ELFN2: variants seen among roughly 807,000 people sequenced by gnomAD.
ELFN2 encodes extracellular leucine rich repeat and fibronectin type III domain containing 2.
In ELFN2, 17 loss-of-function variants were observed where a neutral mutation model predicts 45.5. That is an observed-to-expected ratio of 0.37 (90% CI 0.26 to 0.56). The LOEUF (loss-of-function observed/expected upper bound fraction) is 0.56, where lower values mean the gene tolerates loss of function less well. ELFN2 is among the 20% of genes least tolerant of loss of function. The pLI is 0.77. For synonymous variants in ELFN2, 550 were observed against 551.5 expected (o/e 1.00, Z 0.04); for missense variants, 922 against 1,183.2 (o/e 0.78, Z 3.24).
At chr22:37,425,677 G>A (rs985120065) in intron 1 of ELFN2, among the ~76,000 whole-genome samples, 1 of 152,050 alleles carries the variant, frequency 6.6e-6, no homozygotes, top group Non-Finnish European at 1.5e-5. Flanking sequence ...CTGCCTAGGC[G>A]TTGATGGCCC....
chr22:37,426,263 C>CGAGGGAGACGAGA (rs1932848014), intron 1 of ELFN2, among the ~76,000 whole-genome samples: 2 of 152,174 alleles, frequency 1.3e-5, no homozygotes, highest in Non-Finnish European at 2.9e-5. Flanking sequence ...GTCCCCTTCT[C>CGAGGGAGACGAGA]GTCTCCCTCC....
At chr22:37,348,626 T>A (rs1237983982) in intron 1 of ELFN2, among the ~76,000 whole-genome samples, 2 of 150,596 alleles carry the variant, frequency 1.3e-5, no homozygotes. Flanking sequence ...CTCTTCCCCA[T>A]GGTCTGGGTC....
downstream of ELFN2, among the ~76,000 whole-genome samples, chr22:37,367,735 G>A (rs970436680): frequency 2.0e-5 from 3 of 152,226 alleles, no homozygotes; most frequent in African/African-American, 7.2e-5. Context: ...ACGGCGCAGT[G>A]TCTGGGTGCA....
chr22:37,401,589 C>A (rs546074982), intron 2 of ELFN2, among the ~76,000 whole-genome samples: 1 of 152,318 alleles, frequency 6.6e-6, no homozygotes, highest in East Asian at 1.9e-4. Context: ...AAACACGGCC[C>A]CAGCTGGACC....
Position 37,372,194 on chromosome 22 carries a change from T to A in ELFN2, c.*878A>T, listed in dbSNP as rs991642204. 1 of 152,550 alleles carries A rather than the reference T, an allele frequency of 6.6e-6. No individual in the cohort carries two copies. The highest frequency in any genetic ancestry group is 1.5e-5 in the Non-Finnish European group (1 of 68,076). 9.4% of individuals were successfully genotyped at this position (152,550 alleles called of 1,614,324 possible). On this transcript the variant is annotated 3_prime_UTR_variant, in exon 3 of 3. Transcript: ENST00000402918. This position sits in a 1 kb window ranked among gnomAD's most constrained non-coding sequence, Gnocchi z 4.4. Reference sequence around the variant, plus strand: ...CAGGCCACGTGGAAGACACTTGAAGTGGGCTGGTGGAATGTCGCCCTGCCT... The same window carrying A: ...CAGGCCACGTGGAAGACACTTGAAGAGGGCTGGTGGAATGTCGCCCTGCCT...
At chr22:37,399,218 G>A (rs1372611633) in intron 2 of ELFN2, among the ~76,000 whole-genome samples, 8 of 151,874 alleles carry the variant, frequency 5.3e-5, no homozygotes, top group Admixed American at 2.0e-4. Flanking sequence ...TCCCATCCCC[G>A]CCCAGTGAGT....
chr22:37,376,868 C>A (rs913778390), intron 2 of ELFN2, among the ~76,000 whole-genome samples: 7 of 152,216 alleles, frequency 4.6e-5, no homozygotes, highest in African/African-American at 1.7e-4. Context: ...GCCCAGCTCC[C>A]CTTCCATGGC....
intron 1 of ELFN2, among the ~76,000 whole-genome samples, chr22:37,344,653 AC>A (rs1187431171): frequency 2.0e-5 from 3 of 151,408 alleles, no homozygotes; most frequent in African/African-American, 2.4e-5. Flanking sequence ...CACTGTCTCT[AC>A]CCCCCTTCCA....
rs1164210391 is a variant in ELFN2, at chr22:37,407,579, C to T, written c.-463+10190G>A. On this transcript the variant is annotated intron_variant, in intron 2 of 2. Coordinates refer to ENST00000402918, the MANE Select transcript of ELFN2 (RefSeq NM_052906.5). ...AGCGATGGGGCCACCACAGGTAGGG[C>T]TTATGGCAGCATTTTTTAGAAAACG... Among the ~76,000 whole-genome samples the T allele has an allele frequency of 2.6e-5, 4 of 152,262 alleles. No individual in the cohort carries two copies. The East Asian group carries it at 7.7e-4, about 29-fold the overall frequency.
At chr22:37,355,887 A>G (rs1022902751) in intron 1 of ELFN2, among the ~76,000 whole-genome samples, 23 of 152,192 alleles carry the variant, frequency 1.5e-4, no homozygotes, top group Non-Finnish European at 4.4e-5. Context: ...CCTGACCCAA[A>G]TTGACGTGAG....
chr22:37,394,184 TCG>T (rs1314164390), intron 2 of ELFN2, among the ~76,000 whole-genome samples: 1 of 152,106 alleles, frequency 6.6e-6, no homozygotes, highest in Non-Finnish European at 1.5e-5. Flanking sequence ...ACCCTCTCCC[TCG>T]TCTCTCATTT....
Position 37,386,322 on chromosome 22 carries a change from T to C in ELFN2, c.-462-10326A>G, listed in dbSNP as rs369627386. On this transcript the variant is annotated intron_variant, in intron 2 of 2. Coordinates refer to ENST00000402918, the MANE Select transcript of ELFN2 (RefSeq NM_052906.5). Reference sequence around the variant, plus strand: ...TGGTCCCACCCCTCTCCCCATGGACTCCCTCACTCTGCTCACCTAGGACTG... The same window carrying C: ...TGGTCCCACCCCTCTCCCCATGGACCCCCTCACTCTGCTCACCTAGGACTG... Among the ~76,000 whole-genome samples the C allele has an allele frequency of 2.0e-5, 3 of 152,002 alleles. No homozygotes were observed. In the South Asian group the frequency reaches 6.2e-4, roughly 32 times the overall value.
intron 1 of ELFN2, among the ~76,000 whole-genome samples, chr22:37,424,684 G>C (rs913218624): frequency 9.9e-5 from 15 of 152,144 alleles, no homozygotes; most frequent in South Asian, 2.1e-4. Context: ...GGGCGGCGGG[G>C]GGGGGGATGG....
At chr22:37,355,465 C>T (rs1384293669) in intron 1 of ELFN2, among the ~76,000 whole-genome samples, 1 of 152,230 alleles carries the variant, frequency 6.6e-6, no homozygotes, top group Non-Finnish European at 1.5e-5. Flanking sequence ...ATCAGGAGCA[C>T]CTGCCGTGGT....
intron 1 of ELFN2, among the ~76,000 whole-genome samples, chr22:37,346,456 A>C: frequency 6.9e-6 from 1 of 144,872 alleles, no homozygotes. Flanking sequence ...CACCCTACAC[A>C]CCCCTCCTGT....
At chr22:37,403,410 C>CGAGGGGCT (rs890441281) in intron 2 of ELFN2, among the ~76,000 whole-genome samples, 62 of 39,186 alleles carry the variant, frequency 1.6e-3, no homozygotes, top group African/African-American at 0.011. Flanking sequence ...GCAAGGCGAG[C>CGAGGGGCT]GAGGGGCCGG....
At chr22:37,388,467 G>A (rs561380296) in intron 2 of ELFN2, among the ~76,000 whole-genome samples, 4 of 152,286 alleles carry the variant, frequency 2.6e-5, no homozygotes, top group East Asian at 3.9e-4. Context: ...CCAGCTCGCC[G>A]CCCTCATATA....
At chr22:37,414,580 T>C (rs1932731457) in intron 2 of ELFN2, among the ~76,000 whole-genome samples, 1 of 152,208 alleles carries the variant, frequency 6.6e-6, no homozygotes, top group African/African-American at 2.4e-5. Context: ...AAGTGCATCC[T>C]AGGTCTCTTC....
At chr22:37,399,150 GC>G (rs1932295883) in intron 2 of ELFN2, among the ~76,000 whole-genome samples, 1 of 152,090 alleles carries the variant, frequency 6.6e-6, no homozygotes, top group African/African-American at 2.4e-5. Context: ...ACTCGGAGAG[GC>G]TTTTTGCAGC....
Sources: gnomAD v4.1 joint callset for allele counts (sites outside exome capture counted in the v4.1 genomes callset) on GRCh38, gnomAD v4.1.1 for gene constraint, Gnocchi (gnomAD v3.1) non-coding constraint, MANE v1.5 for transcripts, NCBI Gene and HGNC (gene_info 2026-07-23, HGNC 2026-07-21) for gene names.